The following ATP7A variants were observed in gnomAD, a reference collection of about 807,000 sequenced individuals.
ATP7A encodes ATPase copper transporting alpha, also known as copper-transporting ATPase 1.
Under a neutral mutation model 83.5 loss-of-function variants are expected in ATP7A, and 7 were observed. The observed-to-expected ratio is 0.08, with a 90% CI of 0.05 to 0.16. The LOEUF (loss-of-function observed/expected upper bound fraction) is 0.16, where lower values mean the gene tolerates loss of function less well. ATP7A is among the 10% of genes least tolerant of loss of function. ATP7A has a pLI of 1.00. For synonymous variants in ATP7A, 354 were observed against 395.2 expected, an observed-to-expected ratio of 0.90 and a Z score of 1.24; for missense variants, 940 against 1,120.8, an observed-to-expected ratio of 0.84 and a Z score of 2.30.
chrX:77,989,588 T>C lies in ATP7A; in HGVS notation c.966T>C (p.Asn322=). The C allele has an allele frequency of 8.3e-7, 1 of 1,211,866 alleles. No individual in the cohort carries two copies. Residue 322 remains asparagine (N), a synonymous_variant, in exon 4 of 23, where the codon AAT becomes AAC. Transcript: ENST00000341514. ...ATAGGTCTGCCATTGTGAAGTATAA[T>C]GCAAGCTCAGTCACTCCAGAATCCC... ...LENRSAIVKY[N]ASSVTPESLR...
At chrX:78,005,701 A>G (rs1454296961) in intron 6 of ATP7A, among the ~76,000 whole-genome samples, 16 of 105,726 alleles carry the variant, frequency 1.5e-4, no homozygotes, top group African/African-American at 4.5e-4. Flanking sequence ...AAAAAAAAAA[A>G]AAAAAGAAAA....
chrX:77,959,245 G>T (rs1312856694), intron 1 of ATP7A, among the ~76,000 whole-genome samples: 1 of 110,985 alleles, frequency 9.0e-6, no homozygotes, highest in Non-Finnish European at 1.9e-5. Context: ...AGTTGATTTT[G>T]TATCCTGTGA....
At chrX:78,003,837 G>A (rs1289703013) in intron 6 of ATP7A, among the ~76,000 whole-genome samples, 2 of 111,236 alleles carry the variant, frequency 1.8e-5, no homozygotes, top group Non-Finnish European at 1.9e-5. Context: ...AGCTACTTGG[G>A]AGGCTGAGGC....
Position 77,947,191 on chromosome X carries a change from A to T in ATP7A, c.-21-24430A>T, listed in dbSNP as rs190247937. On this transcript the variant is annotated intron_variant, in intron 1 of 22. Coordinates refer to ENST00000341514, the MANE Select transcript of ATP7A (RefSeq NM_000052.7). ...GGACAAATATTATATGAGTTTACTT[A>T]TGTGGAGTACCTAGAGTAGTTAAAA... Among the ~76,000 whole-genome samples the T allele has an allele frequency of 5.5e-3, 616 of 111,750 alleles. 3 individuals carry two copies. Among genetic ancestry groups the T allele is most frequent in the African/African-American group, 0.019 (588 of 30,784 alleles).
At chrX:77,977,483 T>C (rs1458589647) in intron 2 of ATP7A, among the ~76,000 whole-genome samples, 2 of 112,439 alleles carry the variant, frequency 1.8e-5, no homozygotes, top group East Asian at 5.5e-4. Context: ...AGCAAACTAT[T>C]GTAGGTGAAT....
intron 1 of ATP7A, among the ~76,000 whole-genome samples, chrX:77,967,954 T>G (rs1557228990): frequency 2.7e-5 from 3 of 111,720 alleles, no homozygotes; most frequent in Non-Finnish European, 5.6e-5. Flanking sequence ...AATACTTTTT[T>G]TTTTTAATTG....
intron 14 of ATP7A, among the ~76,000 whole-genome samples, chrX:78,024,104 G>A (rs1331484441): frequency 9.0e-6 from 1 of 111,521 alleles, no homozygotes; most frequent in African/African-American, 3.3e-5. Context: ...CCAGTTGGTT[G>A]TAGGTGTGGG....
chrX:78,030,760 C>T (rs992506151), intron 15 of ATP7A, among the ~76,000 whole-genome samples: 6 of 102,710 alleles, frequency 5.8e-5, no homozygotes, highest in African/African-American at 1.1e-4. Context: ...GGTGCGATCT[C>T]GGCTCACTGC....
At chrX:77,952,023 A>G (rs1448487863) in intron 1 of ATP7A, among the ~76,000 whole-genome samples, 2 of 112,058 alleles carry the variant, frequency 1.8e-5, no homozygotes, top group Non-Finnish European at 3.8e-5. Flanking sequence ...TTTTTTATGA[A>G]TAGCTCATCT....
In ATP7A at chrX:78,020,916, C is replaced by A. The variant is rs113968994; in HGVS notation, c.2782-29C>A. The A allele has an allele frequency of 0.23, 267,847 of 1,179,271 alleles. 21,567 individuals are homozygous for A. Among genetic ancestry groups the A allele is most frequent in the South Asian group, 0.38 (21,027 of 55,857 alleles). On this transcript the variant is annotated intron_variant, in intron 13 of 22. Transcript: ENST00000341514. Reference sequence around the variant, plus strand: ...AAAAGACTTTGATATGCTTCTTCTTCTTATTATTGTTGTTATTTTTAATTC... The same window carrying A: ...AAAAGACTTTGATATGCTTCTTCTTATTATTATTGTTGTTATTTTTAATTC...
intron 18 of ATP7A, 110 bp from the exon 19 acceptor site, chrX:78,040,481 T>C: frequency 9.9e-7 from 1 of 1,015,053 alleles, no homozygotes. Flanking sequence ...AGCCATGCCC[T>C]GAACAACTTT....
intron 6 of ATP7A, among the ~76,000 whole-genome samples, chrX:78,008,003 G>A (rs192543370): frequency 8.9e-6 from 1 of 112,094 alleles, no homozygotes; most frequent in Non-Finnish European, 1.9e-5. Flanking sequence ...ATCCTGTTCT[G>A]CTATGAAATA....
chrX:78,016,817 T>C (rs1256459062), intron 12 of ATP7A, among the ~76,000 whole-genome samples: 1 of 112,481 alleles, frequency 8.9e-6, no homozygotes, highest in Admixed American at 9.4e-5. Flanking sequence ...CCCCTGTGGC[T>C]TTGCAGGGTA....
In ATP7A at chrX:78,046,858, G is replaced by A. The variant is rs1488077514; in HGVS notation, c.*288G>A. 3 of 216,484 alleles carry A rather than the reference G, an allele frequency of 1.4e-5. No individual in the cohort carries two copies. The East Asian group carries it at 2.4e-4, about 17-fold the overall frequency. 17.8% of individuals were successfully genotyped at this position (216,484 alleles called of 1,213,427 possible). On this transcript the variant is annotated 3_prime_UTR_variant, in exon 23 of 23. Coordinates refer to ENST00000341514, the MANE Select transcript of ATP7A (RefSeq NM_000052.7). ...CCCTACAATTAGAGATTGCTGAACT[G>A]CTGCTAAAGTGATTTTTTTTTTATT...
intron 19 of ATP7A, 48 bp from the exon 20 acceptor site, chrX:78,042,537 A>C: frequency 8.7e-7 from 1 of 1,147,153 alleles, no homozygotes; most frequent in Non-Finnish European, 1.2e-6. Flanking sequence ...GTTATGTTTC[A>C]CGTACTCATT....
At chrX:78,022,407 C>T (rs1399445512) in intron 14 of ATP7A, among the ~76,000 whole-genome samples, 6 of 111,175 alleles carry the variant, frequency 5.4e-5, no homozygotes, top group Admixed American at 9.6e-5. Flanking sequence ...GGCAACAGAG[C>T]GAGACTCCTA....
At chrX:77,958,014 G>A (rs1050898573) in intron 1 of ATP7A, among the ~76,000 whole-genome samples, 8 of 111,112 alleles carry the variant, frequency 7.2e-5, no homozygotes, top group Admixed American at 2.9e-4. Flanking sequence ...CCTTCATGAC[G>A]GGTTTGGCAC....
intron 1 of ATP7A, among the ~76,000 whole-genome samples, chrX:77,970,715 C>T (rs1557229586): frequency 9.0e-6 from 1 of 111,250 alleles, no homozygotes; most frequent in African/African-American, 3.3e-5. Context: ...CAACAAAAAA[C>T]AAGAAACAAG....
chrX:78,011,331 A>G (rs782114283), intron 8 of ATP7A, 79 bp downstream of exon 8: 7 of 1,078,170 alleles, frequency 6.5e-6, no homozygotes, highest in Non-Finnish European at 9.0e-6. Context: ...AGTTTTTATA[A>G]TATCATCCTT....
Sources: gnomAD v4.1 joint callset for allele counts (sites outside exome capture counted in the v4.1 genomes callset) on GRCh38, gnomAD v4.1.1 for gene constraint, MANE v1.5 for transcripts, NCBI Gene and HGNC (gene_info 2026-07-23, HGNC 2026-07-21) for gene names.